ERI3: variants seen among roughly 807,000 people sequenced by gnomAD.
ERI3 encodes ERI1 exoribonuclease family member 3.
ERI3 carries 18 observed loss-of-function variants against 44.4 expected under a neutral mutation model. That is an observed-to-expected ratio of 0.41 (90% CI 0.28 to 0.60). ERI3 has a LOEUF of 0.60. ERI3 is among the 20% of genes least tolerant of loss of function. The probability of loss-of-function intolerance (pLI) is 0.36; values close to 1 mark genes in which losing one functional copy is unlikely to be tolerated. For synonymous variants in ERI3, 183 were observed against 164.8 expected, an observed-to-expected ratio of 1.11 and a Z score of -0.84; for missense variants, 294 against 435.5, an observed-to-expected ratio of 0.68 and a Z score of 2.89.
At chr1:44,292,806 C>T (rs1645536130) in intron 6 of ERI3, among the ~76,000 whole-genome samples, 1 of 152,222 alleles carries the variant, frequency 6.6e-6, no homozygotes, top group Non-Finnish European at 1.5e-5. Context: ...AGATGATACA[C>T]TTGCTGGAGC....
intron 5 of ERI3, among the ~76,000 whole-genome samples, chr1:44,310,951 T>TCGTGCGCGCGCGCGCG (rs1553195163): frequency 3.2e-5 from 3 of 95,026 alleles, no homozygotes; most frequent in African/African-American, 8.4e-5. Context: ...TATGTGCACA[T>TCGTGCGCGCGCGCGCG]CGCGCGCGCG....
At chr1:44,281,601 A>AATATATATATATATAT (rs1553189558) in intron 7 of ERI3, among the ~76,000 whole-genome samples, 7 of 128,054 alleles carry the variant, frequency 5.5e-5, no homozygotes, top group African/African-American at 2.3e-4. Context: ...AAAAAAAAAA[A>AATATATATATATATAT]ATATATATAT....
rs536573004 is a variant in ERI3 at position 44,260,909 on chromosome 1, G to A, written c.832-12871C>T. 1.1e-4 allele frequency among the ~76,000 whole-genome samples: 16 copies of A among 152,186 alleles called. No homozygotes were observed. The South Asian group carries it at 2.7e-3, about 26-fold the overall frequency. ...TTCCCACTCCTCCATGCCCCACCCTGACCTCCACACCCATTTCTCTCAACA... is the reference window on the plus strand; with the variant it reads ...TTCCCACTCCTCCATGCCCCACCCTAACCTCCACACCCATTTCTCTCAACA... On this transcript the variant is annotated intron_variant, in intron 7 of 8. Transcript: ENST00000372257.
chr1:44,303,415 G>A (rs964406646), intron 6 of ERI3, among the ~76,000 whole-genome samples: 5 of 152,174 alleles, frequency 3.3e-5, no homozygotes, highest in African/African-American at 1.2e-4. Flanking sequence ...AGATTCCACA[G>A]GAACACTCCA....
intron 7 of ERI3, among the ~76,000 whole-genome samples, chr1:44,270,081 T>C (rs1426966170): frequency 2.0e-5 from 3 of 152,152 alleles, no homozygotes; most frequent in Non-Finnish European, 4.4e-5. Flanking sequence ...TTACCCTGTC[T>C]TTTCCTCATC....
At chr1:44,306,797 C>A (rs1430526545) in intron 6 of ERI3, among the ~76,000 whole-genome samples, 4 of 152,226 alleles carry the variant, frequency 2.6e-5, no homozygotes, top group African/African-American at 9.6e-5. Flanking sequence ...GGTGAGGCTA[C>A]CTGGAGGAAG....
At chr1:44,349,000 C>G (rs181108873) in intron 2 of ERI3, among the ~76,000 whole-genome samples, 3 of 152,112 alleles carry the variant, frequency 2.0e-5, no homozygotes, top group African/African-American at 7.2e-5. Context: ...AGATGTAAGG[C>G]CACAGGGTAT....
chr1:44,295,044 T>C (rs1387634135), intron 6 of ERI3, among the ~76,000 whole-genome samples: 1 of 152,218 alleles, frequency 6.6e-6, no homozygotes, highest in Non-Finnish European at 1.5e-5. Flanking sequence ...CCAGCTCCCC[T>C]GACACCTTCA....
chr1:44,269,539 C>A (rs1645051148), intron 7 of ERI3, among the ~76,000 whole-genome samples: 1 of 152,228 alleles, frequency 6.6e-6, no homozygotes, highest in African/African-American at 2.4e-5. Flanking sequence ...TGGGTGAATG[C>A]ACTTCTTTAA....
At chr1:44,251,507 G>A (rs1198396326) in intron 7 of ERI3, among the ~76,000 whole-genome samples, 2 of 152,198 alleles carry the variant, frequency 1.3e-5, no homozygotes, top group East Asian at 3.9e-4. Flanking sequence ...ACCCATCAGA[G>A]CAGGAGGATC....
chr1:44,347,651 A>G (rs1646810680), intron 2 of ERI3, among the ~76,000 whole-genome samples: 1 of 152,028 alleles, frequency 6.6e-6, no homozygotes, highest in Admixed American at 6.5e-5. Flanking sequence ...GTTTATTCCT[A>G]CTTCATAACT....
At chr1:44,308,270 T>G in intron 6 of ERI3, 40 bp downstream of exon 6, 2 of 1,469,656 alleles carry the variant, frequency 1.4e-6, no homozygotes, top group Non-Finnish European at 1.9e-6. Context: ...GTCCCACAGA[T>G]TCCAAGCCCT....
rs1265232400 is a variant in ERI3, at chr1:44,228,385, G to A, written c.932-6745C>T. Among the ~76,000 whole-genome samples the A allele has an allele frequency of 6.6e-6, 1 of 152,166 alleles. No homozygotes were observed. Among genetic ancestry groups the A allele is most frequent in the Non-Finnish European group, 1.5e-5 (1 of 68,028 alleles). On this transcript the variant is annotated intron_variant, in intron 8 of 8. Coordinates refer to ENST00000372257, the MANE Select transcript of ERI3 (RefSeq NM_024066.3). The surrounding 1 kb of genome is among the most constrained non-coding windows in gnomAD (Gnocchi z 4.3). ...GTAATAAGCGCGCTCCAAATAATTA[G>A]CGTGTTTTACGTAATAATGAAATTA...
chr1:44,296,328 A>G (rs1245830444), intron 6 of ERI3, among the ~76,000 whole-genome samples: 11 of 152,184 alleles, frequency 7.2e-5, no homozygotes, highest in Admixed American at 7.2e-4. Flanking sequence ...TAAATATTGT[A>G]TGAGAGGGGA....
chr1:44,337,572 G>A lies in ERI3; in HGVS notation c.489+1473C>T, dbSNP rs193262820. On this transcript the variant is annotated intron_variant, in intron 3 of 8. Coordinates refer to ENST00000372257, the MANE Select transcript of ERI3 (RefSeq NM_024066.3). ...AAGCTGCATTCCCTTACACCCAAAG[G>A]ACCTTCCTTTAGGATATTCTCCTTA... Among the ~76,000 whole-genome samples the A allele has an allele frequency of 1.6e-4, 24 of 152,240 alleles. No individual in the cohort carries two copies. The East Asian group carries it at 3.3e-3, about 21-fold the overall frequency.
chr1:44,296,146 G>C (rs1033921318), intron 6 of ERI3, among the ~76,000 whole-genome samples: 2 of 152,114 alleles, frequency 1.3e-5, no homozygotes, highest in East Asian at 3.8e-4. Context: ...CCCCTCCACC[G>C]TGCCTCCCAG....
chr1:44,338,960 G>C lies in ERI3; in HGVS notation c.489+85C>G, dbSNP rs1646590749. On this transcript the variant is annotated intron_variant, in intron 3 of 8. Transcript: ENST00000372257. ...CTAAAAGACAGGAAGGCATGAGAAA[G>C]CTCCTTTGTGTCCCAGGAAGCAAAA... 2.7e-6 allele frequency: 4 copies of C among 1,487,668 alleles called. No homozygotes were observed. The African/African-American group carries it at 5.6e-5, about 21-fold the overall frequency. 92.2% of individuals were successfully genotyped at this position (1,487,668 alleles called of 1,614,324 possible). A position where few individuals can be genotyped will look rare whatever the true frequency, so the allele number is the denominator to read the frequency against.
At chr1:44,305,625 T>C (rs1040983631) in intron 6 of ERI3, among the ~76,000 whole-genome samples, 2 of 152,180 alleles carry the variant, frequency 1.3e-5, no homozygotes, top group African/African-American at 4.8e-5. Flanking sequence ...GGACATAAAA[T>C]GATTTGTCAG....
intron 6 of ERI3, among the ~76,000 whole-genome samples, chr1:44,295,922 G>C (rs1645600794): frequency 1.3e-5 from 2 of 152,218 alleles, no homozygotes; most frequent in South Asian, 4.1e-4. Context: ...GGAATCACTA[G>C]TCCCATGATT....
Sources: allele counts gnomAD v4.1 joint callset (sites outside exome capture counted in the v4.1 genomes callset), GRCh38; gene constraint gnomAD v4.1.1; non-coding constraint Gnocchi (gnomAD v3.1); transcripts MANE v1.5; gene names NCBI Gene and HGNC (gene_info 2026-07-23, HGNC 2026-07-21).